The following ADAMTS6 variants were observed in gnomAD, a reference collection of about 807,000 sequenced individuals.
ADAMTS6 encodes the protein ADAM metallopeptidase with thrombospondin type 1 motif 6, also known as A disintegrin and metalloproteinase with thrombospondin motifs 6.
ADAMTS6 carries 23 observed loss-of-function variants against 144.3 expected under a neutral mutation model. The ratio of observed to expected loss-of-function variants is 0.16; its 90% confidence interval spans 0.11 to 0.23. The LOEUF is 0.23. Among genes scored for constraint, ADAMTS6 ranks in the 10% least tolerant of loss-of-function variants. The pLI, the probability that ADAMTS6 is intolerant of heterozygous loss-of-function variation, is 1.00. For missense variants in ADAMTS6, 999 were observed against 1,379.6 expected (o/e 0.72, Z 4.37); for synonymous variants, 444 against 457.5 (o/e 0.97, Z 0.38).
chr5:65,314,092 T>A (rs1744752900), intron 9 of ADAMTS6, among the ~76,000 whole-genome samples: 1 of 152,136 alleles, frequency 6.6e-6, no homozygotes, highest in African/African-American at 2.4e-5. Flanking sequence ...ATAACTATGA[T>A]TAATATGTTA....
At chr5:65,246,473 T>C (rs1315021671) in intron 14 of ADAMTS6, among the ~76,000 whole-genome samples, 1 of 152,100 alleles carries the variant, frequency 6.6e-6, no homozygotes, top group Non-Finnish European at 1.5e-5. Context: ...TTACTCTAGT[T>C]GGAGATGAGA....
chr5:65,376,996 C>A (rs139345656), intron 7 of ADAMTS6, among the ~76,000 whole-genome samples: 1 of 151,910 alleles, frequency 6.6e-6, no homozygotes, highest in Admixed American at 6.6e-5. Context: ...GAGTATCCCC[C>A]CTACCTCATG....
At chr5:65,418,678 C>A (rs1443528837) in intron 7 of ADAMTS6, among the ~76,000 whole-genome samples, 1 of 152,092 alleles carries the variant, frequency 6.6e-6, no homozygotes, top group Non-Finnish European at 1.5e-5. Flanking sequence ...TATCCAGAAT[C>A]TACCAGGAAC....
chr5:65,370,315 C>A (rs1750732418), intron 7 of ADAMTS6, among the ~76,000 whole-genome samples: 1 of 152,172 alleles, frequency 6.6e-6, no homozygotes, highest in African/African-American at 2.4e-5. Flanking sequence ...TAGCTCCCAG[C>A]ATGAGCAACG....
intron 14 of ADAMTS6, among the ~76,000 whole-genome samples, chr5:65,244,202 T>C (rs967519636): frequency 6.6e-6 from 1 of 151,334 alleles, no homozygotes; most frequent in African/African-American, 2.4e-5. Context: ...AGAAAAGCCA[T>C]GGGAATAGGA....
chr5:65,379,252 C>T (rs1205565242), intron 7 of ADAMTS6, among the ~76,000 whole-genome samples: 1 of 152,118 alleles, frequency 6.6e-6, no homozygotes, highest in African/African-American at 2.4e-5. Context: ...TAGAGTTTTT[C>T]CTTGAAGACA....
rs772975870 is a variant in ADAMTS6 at position 65,460,260 on chromosome 5, T to C, written c.541A>G (p.Ser181Gly). The part of the protein sequence containing the change: ...KNTTEDSKHF[S>G]YENGHPHVIY... ...ACATGAGGGTGGCCATTTTCATAAC[T>C]AAAATGCTTGGAATCCTCTGTGGTA... Residue 181 changes from serine (S) to glycine (G), a missense_variant, in exon 4 of 25, where the codon AGT becomes GGT. Physicochemically the swap from Ser to Gly is moderately conservative, Grantham distance 56 (BLOSUM62 0). This residue lies in a region of ADAMTS6 where 252 missense variants were observed against 293.7 expected (regional missense o/e 0.86). Transcript: ENST00000381055. 6.2e-7 allele frequency: 1 copy of C among 1,613,930 alleles called. No individual in the cohort carries two copies. Among genetic ancestry groups the C allele is most frequent in the African/African-American group, 1.3e-5 (1 of 74,934 alleles).
chr5:65,463,439 G>GA (rs1336375614), intron 3 of ADAMTS6, among the ~76,000 whole-genome samples: 2 of 152,138 alleles, frequency 1.3e-5, no homozygotes, highest in African/African-American at 4.8e-5. Context: ...GAAAGGGTCT[G>GA]AAAACCAGAT....
chr5:65,252,659 C>T (rs28452208), intron 14 of ADAMTS6, among the ~76,000 whole-genome samples: 81,081 of 151,296 alleles, frequency 0.54, 21,911 homozygotes, highest in African/African-American at 0.6. Context: ...ACAACTCTAA[C>T]CAGAGAGTTA....
chr5:65,176,648 G>T (rs1051519813), intron 22 of ADAMTS6, among the ~76,000 whole-genome samples: 1 of 152,060 alleles, frequency 6.6e-6, no homozygotes, highest in African/African-American at 2.4e-5. Flanking sequence ...ATTATAAAAG[G>T]TTAAAAAGAG....
At chr5:65,471,795 C>T (rs6449787) in intron 2 of ADAMTS6, among the ~76,000 whole-genome samples, 9,224 of 151,758 alleles carry the variant, frequency 0.061, 925 homozygotes, top group African/African-American at 0.21. Flanking sequence ...AACAAAAACA[C>T]GTCAATGGGA....
Position 65,460,194 on chromosome 5 carries a change from C to A in ADAMTS6, c.607G>T (p.Asp203Tyr), listed in dbSNP as rs577548462. 78 of 1,614,002 alleles carry A rather than the reference C, an allele frequency of 4.8e-5. 2 individuals carry two copies. The South Asian group carries it at 8.5e-4, about 17-fold the overall frequency. Residue 203 changes from aspartate (D) to tyrosine (Y), a missense_variant, in exon 4 of 25, where the codon GAT becomes TAT. Coordinates refer to ENST00000381055, the MANE Select transcript of ADAMTS6 (RefSeq NM_197941.4). ...KSALQQRHLY[D>Y]HSHCGVSDFT... ...CCCGAAACCCCACAATGAGAGTGAT[C>A]ATACAGATGTCGTTGTTGAAGGGCA...
At chr5:65,405,405 C>T (rs904067792) in intron 7 of ADAMTS6, among the ~76,000 whole-genome samples, 1 of 152,180 alleles carries the variant, frequency 6.6e-6, no homozygotes, top group African/African-American at 2.4e-5. Context: ...AATAGGGAAT[C>T]CTTTCCCCAT....
chr5:65,357,549 C>A (rs759103997), intron 7 of ADAMTS6, among the ~76,000 whole-genome samples: 1 of 151,046 alleles, frequency 6.6e-6, no homozygotes, highest in Non-Finnish European at 1.5e-5. Flanking sequence ...TAAAAAAGAT[C>A]AATGAAATTA....
chr5:65,225,953 T>G (rs1001094551), intron 16 of ADAMTS6, 133 bp downstream of exon 16: 1 of 958,376 alleles, frequency 1.0e-6, no homozygotes, highest in African/African-American at 1.7e-5. Flanking sequence ...TTTATTACTC[T>G]TAATGGAAAT....
intron 6 of ADAMTS6, 77 bp from the exon 7 acceptor site, chr5:65,451,697 G>A (rs1758754786): frequency 6.6e-7 from 1 of 1,518,642 alleles, no homozygotes; most frequent in Non-Finnish European, 9.0e-7. Flanking sequence ...GAAGACTGAA[G>A]TGGGACTATA....
At chr5:65,276,365 C>T (rs1762541395) in intron 11 of ADAMTS6, among the ~76,000 whole-genome samples, 1 of 152,068 alleles carries the variant, frequency 6.6e-6, no homozygotes, top group South Asian at 2.1e-4. Context: ...GGAACACTCC[C>T]AAAATGTAGA....
intron 15 of ADAMTS6, among the ~76,000 whole-genome samples, chr5:65,232,460 C>T (rs1758324843): frequency 6.6e-6 from 1 of 151,382 alleles, no homozygotes; most frequent in African/African-American, 2.4e-5. Context: ...ATACCTTTAG[C>T]TATACTAGGA....
At chr5:65,331,516 T>G (rs1746714754) in intron 8 of ADAMTS6, among the ~76,000 whole-genome samples, 1 of 152,120 alleles carries the variant, frequency 6.6e-6, no homozygotes, top group African/African-American at 2.4e-5. Context: ...AATGAAAGTA[T>G]TTTAAATGCT....
Sources: allele counts gnomAD v4.1 joint callset (sites outside exome capture counted in the v4.1 genomes callset), GRCh38; gene constraint gnomAD v4.1.1; regional missense constraint gnomAD v4.1.1; transcripts MANE v1.5; gene names NCBI Gene and HGNC (gene_info 2026-07-23, HGNC 2026-07-21).